Variants in NPAS3 observed in about 807,000 individuals in gnomAD.
The protein encoded by NPAS3 is neuronal PAS domain protein 3, also known as neuronal PAS domain-containing protein 3.
Under a neutral mutation model 73.1 loss-of-function variants are expected in NPAS3, and 14 were observed. The ratio of observed to expected loss-of-function variants is 0.19; its 90% CI spans 0.13 to 0.30. NPAS3 has a LOEUF of 0.30. NPAS3 is among the 10% of genes least tolerant of loss of function. NPAS3 has a pLI of 1.00. For missense variants in NPAS3, 1,096 were observed against 1,250.0 expected (o/e 0.88, Z 1.86); for synonymous variants, 620 against 541.5 (o/e 1.14, Z -2.01).
At chr14:33,235,759 A>C (rs1480195764) in intron 3 of NPAS3, among the ~76,000 whole-genome samples, 1 of 151,154 alleles carries the variant, frequency 6.6e-6, no homozygotes, top group Non-Finnish European at 1.5e-5. Flanking sequence ...TTTTGAGTGC[A>C]AGTACATCTT....
At chr14:33,305,687 A>G (rs1025239997) in intron 3 of NPAS3, among the ~76,000 whole-genome samples, 4 of 152,164 alleles carry the variant, frequency 2.6e-5, no homozygotes, top group African/African-American at 9.6e-5. Context: ...AAAAGTCACC[A>G]TCATATTTTC....
At chr14:33,382,333 T>C (rs1334408009) in intron 4 of NPAS3, among the ~76,000 whole-genome samples, 1 of 152,238 alleles carries the variant, frequency 6.6e-6, no homozygotes, top group Non-Finnish European at 1.5e-5. Flanking sequence ...GAGATTATAT[T>C]ATTTCAATCG....
intron 1 of NPAS3, among the ~76,000 whole-genome samples, chr14:33,006,828 A>G (rs963756478): frequency 4.6e-5 from 7 of 152,198 alleles, no homozygotes; most frequent in African/African-American, 1.7e-4. Flanking sequence ...CCTTTTTCCT[A>G]CAAGCATAAC....
chr14:33,484,858 A>T (rs568343565), intron 4 of NPAS3, among the ~76,000 whole-genome samples: 1 of 152,142 alleles, frequency 6.6e-6, no homozygotes, highest in Non-Finnish European at 1.5e-5. Context: ...GGTGAGGGGA[A>T]TTGCAACCAC....
intron 3 of NPAS3, among the ~76,000 whole-genome samples, chr14:33,310,458 A>G (rs1460902173): frequency 1.3e-5 from 2 of 152,156 alleles, no homozygotes; most frequent in African/African-American, 4.8e-5. Flanking sequence ...AGCAAGACAG[A>G]CCCTCACGTA....
chr14:33,308,525 T>TACACAC (rs1280716729), intron 3 of NPAS3, among the ~76,000 whole-genome samples: 1,015 of 82,396 alleles, frequency 0.012, 24 homozygotes, highest in Admixed American at 0.018. Context: ...TATATATATA[T>TACACAC]ATACATACAC....
At chr14:33,233,373 A>G (rs577200086) in intron 3 of NPAS3, among the ~76,000 whole-genome samples, 11 of 152,282 alleles carry the variant, frequency 7.2e-5, no homozygotes, top group South Asian at 6.2e-4. Context: ...ACTTTTAACT[A>G]TATTATAGGT....
intron 3 of NPAS3, among the ~76,000 whole-genome samples, chr14:33,313,555 G>A (rs1285471640): frequency 1.3e-5 from 2 of 152,048 alleles, no homozygotes; most frequent in East Asian, 3.9e-4. Flanking sequence ...ACTCTTTAAG[G>A]TCCTGTGAAT....
At chr14:33,162,732 A>G (rs2044947660) in intron 2 of NPAS3, among the ~76,000 whole-genome samples, 1 of 152,016 alleles carries the variant, frequency 6.6e-6, no homozygotes, top group Non-Finnish European at 1.5e-5. Context: ...AAGCTGCTTG[A>G]CAGAACCTCC....
At chr14:32,979,796 A>C (rs1566427276) in intron 1 of NPAS3, among the ~76,000 whole-genome samples, 1 of 152,178 alleles carries the variant, frequency 6.6e-6, no homozygotes, top group African/African-American at 2.4e-5. Context: ...TGAATTCTGT[A>C]TTTCCAAGAT....
chr14:32,983,221 A>C (rs1323458037), intron 1 of NPAS3, among the ~76,000 whole-genome samples: 2 of 152,162 alleles, frequency 1.3e-5, no homozygotes, highest in Non-Finnish European at 2.9e-5. Context: ...TCTTTATTAG[A>C]GTATTTTGTA....
At chr14:33,122,238 T>C (rs1359465166) in intron 2 of NPAS3, among the ~76,000 whole-genome samples, 1 of 152,084 alleles carries the variant, frequency 6.6e-6, no homozygotes, top group African/African-American at 2.4e-5. Flanking sequence ...CTGCTGTAGG[T>C]TGAATGAATT....
At chr14:33,294,374 T>A (rs913671472) in intron 3 of NPAS3, among the ~76,000 whole-genome samples, 9 of 152,216 alleles carry the variant, frequency 5.9e-5, no homozygotes, top group Admixed American at 4.6e-4. Context: ...TTACTTTGGA[T>A]CTTACTTTCC....
chr14:33,649,393 A>G (rs983757115), intron 5 of NPAS3, among the ~76,000 whole-genome samples: 1 of 152,254 alleles, frequency 6.6e-6, no homozygotes, highest in Non-Finnish European at 1.5e-5. Flanking sequence ...AGGGTTGCAC[A>G]GGGCTGAAAG....
chr14:32,995,389 T>G (rs1396524190), intron 1 of NPAS3, among the ~76,000 whole-genome samples: 1 of 152,220 alleles, frequency 6.6e-6, no homozygotes, highest in African/African-American at 2.4e-5. Flanking sequence ...ATTCCCACCA[T>G]GGTAGTCCTG....
chr14:33,004,817 CTTTT>C, intron 1 of NPAS3, among the ~76,000 whole-genome samples: 12 of 64,006 alleles, frequency 1.9e-4, no homozygotes, highest in Non-Finnish European at 2.4e-4. Flanking sequence ...AAAAGTTTTC[CTTTT>C]TTTTTTTTTT....
intron 6 of NPAS3, among the ~76,000 whole-genome samples, chr14:33,681,505 A>ATAATGTCACTCCAGTTATTGATCTGAAGC (rs1211774927): frequency 6.6e-6 from 1 of 152,208 alleles, no homozygotes; most frequent in Non-Finnish European, 1.5e-5. Context: ...GGAGCTGTTA[A>ATAATGTCACTCCAGTTATTGATCTGAAGC]TAATGTCACT....
rs547703805 is a variant in NPAS3, at chr14:33,688,787, C to T, written c.733+12402C>T. ...CCCCATCCTACCTATTCTTCATTTACACAGGCAGAGCATGGAAGTCTCTGG... is the reference window on the plus strand; with the variant it reads ...CCCCATCCTACCTATTCTTCATTTATACAGGCAGAGCATGGAAGTCTCTGG... On this transcript the variant is annotated intron_variant, in intron 6 of 11. Coordinates refer to ENST00000356141, the Ensembl canonical transcript of NPAS3. Among the ~76,000 whole-genome samples the T allele has an allele frequency of 8.5e-5, 13 of 152,286 alleles. No homozygotes were observed. The East Asian group carries it at 2.3e-3, about 27-fold the overall frequency.
chr14:33,312,438 T>A (rs1182648908), intron 3 of NPAS3, among the ~76,000 whole-genome samples: 1 of 151,940 alleles, frequency 6.6e-6, no homozygotes, highest in African/African-American at 2.4e-5. Flanking sequence ...AGCTAGATAA[T>A]CACACCTGTA....
Sources: gnomAD v4.1 joint callset for allele counts (sites outside exome capture counted in the v4.1 genomes callset) on GRCh38, gnomAD v4.1.1 for gene constraint, MANE v1.5 for transcripts, NCBI Gene and HGNC (gene_info 2026-07-23, HGNC 2026-07-21) for gene names.